ARHGEF11: variants seen among roughly 807,000 people sequenced by gnomAD.
ARHGEF11 encodes Rho guanine exchange factor (GEF) 11.
In ARHGEF11, 55 loss-of-function variants were observed where a neutral mutation model predicts 193.7. The ratio of observed to expected loss-of-function variants is 0.28; its 90% confidence interval spans 0.23 to 0.36. ARHGEF11 has a LOEUF of 0.36. ARHGEF11 is among the 10% of genes least tolerant of loss of function. The probability of loss-of-function intolerance (pLI) is 1.00; values close to 1 mark genes in which losing one functional copy is unlikely to be tolerated. For synonymous variants in ARHGEF11, 693 were observed against 768.0 expected, an observed-to-expected ratio of 0.90 and a Z score of 1.62; for missense variants, 1,723 against 2,005.6, an observed-to-expected ratio of 0.86 and a Z score of 2.69.
intron 7 of ARHGEF11, among the ~76,000 whole-genome samples, chr1:156,976,758 A>C (rs1663320749): frequency 6.6e-6 from 1 of 152,086 alleles, no homozygotes; most frequent in African/African-American, 2.4e-5. Context: ...TCACTATCCT[A>C]ATCTATTACA....
At chr1:157,029,307 T>C (rs1462332204) in intron 1 of ARHGEF11, among the ~76,000 whole-genome samples, 2 of 151,536 alleles carry the variant, frequency 1.3e-5, no homozygotes, top group African/African-American at 2.4e-5. Context: ...TCTTGCTCTG[T>C]TGCCCAGGCT....
At chr1:157,008,072 G>A (rs1668068288) in intron 1 of ARHGEF11, among the ~76,000 whole-genome samples, 1 of 151,968 alleles carries the variant, frequency 6.6e-6, no homozygotes, top group African/African-American at 2.4e-5. Context: ...TCAGTTCTCA[G>A]TTGCCCAAGA....
Position 156,954,875 on chromosome 1 carries a change from TA to T in ARHGEF11, c.1798+16del. 1 of 1,604,428 alleles carries T rather than the reference TA, an allele frequency of 6.2e-7. No homozygotes were observed. Among genetic ancestry groups the T allele is most frequent in the Non-Finnish European group, 8.5e-7 (1 of 1,175,514 alleles). On this transcript the variant is annotated intron_variant, in intron 21 of 40. Coordinates refer to ENST00000368194, the MANE Select transcript of ARHGEF11 (RefSeq NM_198236.3). ...ATGCTAATGCAAAGACAAACCCAAATAAAATGGTCCTTTTACCTTCCACAGG... is the reference window on the plus strand; with the variant it reads ...ATGCTAATGCAAAGACAAACCCAAATAAATGGTCCTTTTACCTTCCACAGG...
At chr1:156,970,549 C>T (rs998165403) in intron 8 of ARHGEF11, among the ~76,000 whole-genome samples, 1 of 152,182 alleles carries the variant, frequency 6.6e-6, no homozygotes, top group African/African-American at 2.4e-5. Flanking sequence ...CTGGCTTAGG[C>T]ATGTTACTCT....
intron 1 of ARHGEF11, among the ~76,000 whole-genome samples, chr1:157,018,187 T>C (rs2102872931): frequency 6.6e-6 from 1 of 152,218 alleles, no homozygotes; most frequent in South Asian, 2.1e-4. Context: ...CTTAATGACC[T>C]AAATAAAAGA....
At chr1:156,949,308 C>A (rs946199281) in intron 22 of ARHGEF11, among the ~76,000 whole-genome samples, 5 of 152,140 alleles carry the variant, frequency 3.3e-5, no homozygotes, top group Non-Finnish European at 7.4e-5. Context: ...CAGCCCAAGA[C>A]AGCTGGCACC....
intron 1 of ARHGEF11, among the ~76,000 whole-genome samples, chr1:157,026,031 C>T (rs551146351): frequency 6.6e-6 from 1 of 152,194 alleles, no homozygotes; most frequent in Non-Finnish European, 1.5e-5. Context: ...TGCAACAGCA[C>T]CCTAACTACA....
Position 156,939,832 on chromosome 1 carries a change from T to G in ARHGEF11, c.3812A>C (p.Glu1271Ala), listed in dbSNP as rs545151254. The change falls in exon 37 of 41, where the codon GAG (glutamate) becomes GCG (alanine). Residue 1271 changes from glutamate to alanine, a missense_variant. Transcript: ENST00000368194. ...TMETQAAQEP[E>A]DDLTPTPSVI... is the part of the protein sequence containing the mutation. ...AGAAGGTGTGGGTGTCAGGTCGTCC[T>G]CGGGCTCCTGGGCAGCCTGAGTTTC... 2 of 1,613,228 alleles carry G rather than the reference T, an allele frequency of 1.2e-6. No individual in the cohort carries two copies. Among genetic ancestry groups the G allele is most frequent in the East Asian group, 4.5e-5 (2 of 44,880 alleles).
At chr1:157,027,969 C>A (rs1244356577) in intron 1 of ARHGEF11, among the ~76,000 whole-genome samples, 1 of 152,154 alleles carries the variant, frequency 6.6e-6, no homozygotes, top group African/African-American at 2.4e-5. Flanking sequence ...CTGTTTCAAG[C>A]CCCAGCTGTT....
chr1:157,008,423 C>T (rs1314799830), intron 1 of ARHGEF11, among the ~76,000 whole-genome samples: 1 of 152,058 alleles, frequency 6.6e-6, no homozygotes, highest in East Asian at 1.9e-4. Context: ...CACACACACA[C>T]ACACACACAC....
At chr1:156,989,044 T>A (rs1665349136) in intron 1 of ARHGEF11, among the ~76,000 whole-genome samples, 1 of 152,090 alleles carries the variant, frequency 6.6e-6, no homozygotes, top group Non-Finnish European at 1.5e-5. Context: ...ATAGAAAAGA[T>A]TTTAATGGTG....
chr1:157,043,369 T>C (rs58782148), intron 1 of ARHGEF11, among the ~76,000 whole-genome samples: 25,944 of 151,862 alleles, frequency 0.17, 2,275 homozygotes, highest in East Asian at 0.33. Context: ...GGGAGAAGCG[T>C]TGAGGAGGGG....
chr1:156,962,386 A>G (rs913340063), intron 13 of ARHGEF11, among the ~76,000 whole-genome samples: 1 of 152,114 alleles, frequency 6.6e-6, no homozygotes, highest in Non-Finnish European at 1.5e-5. Context: ...CTCCCGTTCT[A>G]AGCAGTTGAG....
intron 1 of ARHGEF11, among the ~76,000 whole-genome samples, chr1:156,995,920 T>C (rs1004325423): frequency 2.0e-5 from 3 of 152,176 alleles, no homozygotes; most frequent in African/African-American, 7.2e-5. Flanking sequence ...CATGCATACT[T>C]GTCCAGAACA....
At chr1:157,002,639 A>G (rs1667348139) in intron 1 of ARHGEF11, among the ~76,000 whole-genome samples, 1 of 152,220 alleles carries the variant, frequency 6.6e-6, no homozygotes, top group Admixed American at 6.5e-5. Context: ...CAACTAGATG[A>G]TAAACTCCTC....
chr1:157,011,592 A>C (rs1367260426), intron 1 of ARHGEF11, among the ~76,000 whole-genome samples: 1 of 152,200 alleles, frequency 6.6e-6, no homozygotes. Flanking sequence ...ATATCTGATA[A>C]GGGACTTGTA....
At chr1:156,959,348 C>A (rs1309563359) in intron 15 of ARHGEF11, among the ~76,000 whole-genome samples, 4 of 152,168 alleles carry the variant, frequency 2.6e-5, no homozygotes, top group African/African-American at 9.7e-5. Context: ...ATCTAAAGTC[C>A]AAGGCAAGGA....
At chr1:156,997,747 G>GAA (rs562792001) in intron 1 of ARHGEF11, among the ~76,000 whole-genome samples, 4 of 144,340 alleles carry the variant, frequency 2.8e-5, no homozygotes, top group South Asian at 2.2e-4. Context: ...AAGTTTTAGT[G>GAA]AAAAAAAAAA....
At chr1:156,949,441 A>AGGGAGAGGGAG in intron 22 of ARHGEF11, among the ~76,000 whole-genome samples, 1 of 152,240 alleles carries the variant, frequency 6.6e-6, no homozygotes, top group Non-Finnish European at 1.5e-5. Flanking sequence ...GGAGGCCTGG[A>AGGGAGAGGGAG]AATGTCTGCA....
Sources: gnomAD v4.1 joint callset for allele counts (sites outside exome capture counted in the v4.1 genomes callset) on GRCh38, gnomAD v4.1.1 for gene constraint, MANE v1.5 for transcripts, NCBI Gene and HGNC (gene_info 2026-07-23, HGNC 2026-07-21) for gene names.